The following SOX13 variants were observed in gnomAD, a reference collection of about 807,000 sequenced individuals.
The protein encoded by SOX13 is transcription factor SOX-13.
SOX13 carries 28 observed loss-of-function variants against 71.8 expected under a neutral mutation model. That is an observed-to-expected ratio of 0.39 (90% CI 0.29 to 0.53). SOX13 has a LOEUF of 0.53. Ranked by LOEUF, SOX13 falls within the 20% of genes least tolerant of loss-of-function variation. The pLI is 0.70. For synonymous variants in SOX13, 309 were observed against 317.8 expected (o/e 0.97, Z 0.29); for missense variants, 627 against 810.3 (o/e 0.77, Z 2.75).
intron 1 of SOX13, among the ~76,000 whole-genome samples, chr1:204,090,411 T>C (rs977690542): frequency 1.2e-3 from 171 of 138,784 alleles, no homozygotes; most frequent in African/African-American, 3.0e-3. Context: ...TCTTCTTCTT[T>C]TTTTTTTTTT....
At chr1:204,117,018 A>G in intron 5 of SOX13, 104 bp from the exon 6 acceptor site, 4 of 1,173,830 alleles carry the variant, frequency 3.4e-6, no homozygotes, top group Non-Finnish European at 5.0e-6. Flanking sequence ...ACCCCACTCC[A>G]TGGCTTGCCC....
rs1656856709 is a variant in SOX13 at position 204,123,586 on chromosome 1, C to T, written c.1232-75C>T. The stretch of plus-strand genomic sequence containing the variant: ...TGCCTCCTGCTGGTCAAGTAGGGGA[C>T]GTCTCTCTGCTGGCCCTGGGGCACT... On this transcript the variant is annotated intron_variant, in intron 11 of 13. Transcript: ENST00000367204. This position sits in a 1 kb window ranked among gnomAD's most constrained non-coding sequence, Gnocchi z 5.0. 12 of 1,502,740 alleles carry T rather than the reference C, an allele frequency of 8.0e-6. No individual in the cohort carries two copies. The East Asian group carries it at 9.6e-5, about 12-fold the overall frequency. 93.1% of individuals were successfully genotyped at this position (1,502,740 alleles called of 1,614,324 possible). A position where few individuals can be genotyped will look rare whatever the true frequency, so the allele number is the denominator to read the frequency against.
chr1:204,075,572 G>A (rs946617923), intron 1 of SOX13, among the ~76,000 whole-genome samples: 1 of 152,178 alleles, frequency 6.6e-6, no homozygotes, highest in African/African-American at 2.4e-5. Context: ...ATCGTTTGGG[G>A]GATACTGGTT....
chr1:204,124,890 C>A, intron 13 of SOX13, 33 bp downstream of exon 13: 1 of 1,476,202 alleles, frequency 6.8e-7, no homozygotes, highest in Non-Finnish European at 9.3e-7. Context: ...AGCCAGGAGA[C>A]TGTGTGTACA....
intron 1 of SOX13, among the ~76,000 whole-genome samples, chr1:204,097,535 T>A (rs960179978): frequency 1.3e-5 from 2 of 151,630 alleles, no homozygotes; most frequent in Non-Finnish European, 2.9e-5. Context: ...CTACTAAAAA[T>A]ACAAAATTAG....
intron 1 of SOX13, among the ~76,000 whole-genome samples, chr1:204,088,157 G>A (rs1656062530): frequency 6.6e-6 from 1 of 152,154 alleles, no homozygotes; most frequent in Admixed American, 6.5e-5. Context: ...TGCTTGTAGG[G>A]CCCTCATTTA....
At chr1:204,096,755 GC>G (rs1656260626) in intron 1 of SOX13, among the ~76,000 whole-genome samples, 1 of 152,026 alleles carries the variant, frequency 6.6e-6, no homozygotes, top group Non-Finnish European at 1.5e-5. Context: ...TTTCCATGTT[GC>G]CCAGGCTTCT....
rs143887678 is a variant in SOX13 at position 204,082,080 on chromosome 1, G to T, written c.-2+8369G>T. Among the ~76,000 whole-genome samples the T allele has an allele frequency of 7.2e-5, 11 of 151,778 alleles. No homozygotes were observed. The East Asian group carries it at 9.7e-4, about 13-fold the overall frequency. ...TCTTGGCTGGTGGTGGGGTGTGTGTGGGGGGGAGGGAAGCTGAGTGTGATG... is the reference window on the plus strand; with the variant it reads ...TCTTGGCTGGTGGTGGGGTGTGTGTTGGGGGGAGGGAAGCTGAGTGTGATG... On this transcript the variant is annotated intron_variant, in intron 1 of 13. Coordinates refer to ENST00000367204, the MANE Select transcript of SOX13 (RefSeq NM_005686.3).
chr1:204,112,975 G>A lies in SOX13; in HGVS notation c.60G>A (p.Val20=). ...QLALDGVGTM[V]NCTIKSEEKK... is the part of the protein sequence containing the mutation. Reference sequence around the variant, plus strand: ...CCCTGGATGGCGTTGGCACCATGGTGAACTGCACCATCAAGTCAGAGGAGA... The same window carrying A: ...CCCTGGATGGCGTTGGCACCATGGTAAACTGCACCATCAAGTCAGAGGAGA... Residue 20 remains valine, a synonymous_variant, in exon 2 of 14, where the codon GTG becomes GTA. Transcript: ENST00000367204. 6.2e-7 allele frequency: 1 copy of A among 1,613,706 alleles called. No homozygotes were observed. Among genetic ancestry groups the A allele is most frequent in the South Asian group, 1.1e-5 (1 of 91,068 alleles).
At chr1:204,104,277 T>C (rs969316502) in intron 1 of SOX13, among the ~76,000 whole-genome samples, 21 of 152,280 alleles carry the variant, frequency 1.4e-4, no homozygotes, top group South Asian at 1.0e-3. Flanking sequence ...TGAGCTGGGC[T>C]AGACCAGACC....
chr1:204,074,616 C>T (rs923696525), intron 1 of SOX13, among the ~76,000 whole-genome samples: 7 of 152,222 alleles, frequency 4.6e-5, no homozygotes, highest in Non-Finnish European at 2.9e-5. Flanking sequence ...CTCAGCTGCC[C>T]GCATGGGTCT....
chr1:204,112,795 C>A (rs1656612329), intron 1 of SOX13, 120 bp from the exon 2 acceptor site: 6 of 694,310 alleles, frequency 8.6e-6, no homozygotes, highest in South Asian at 2.0e-5. Context: ...TGAGTGTGCC[C>A]ATGTGACAGG....
chr1:204,078,441 G>C (rs1256434723), intron 1 of SOX13, among the ~76,000 whole-genome samples: 1 of 152,262 alleles, frequency 6.6e-6, no homozygotes, highest in African/African-American at 2.4e-5. Flanking sequence ...GCCACATTCA[G>C]GGGTGAAGCT....
intron 4 of SOX13, 66 bp downstream of exon 4, chr1:204,114,671 C>A: frequency 8.0e-7 from 1 of 1,253,198 alleles, no homozygotes; most frequent in Non-Finnish European, 1.2e-6. Context: ...TCTGGCCACG[C>A]AGCCTGGCTC....
At chr1:204,091,766 T>C (rs1478516316) in intron 1 of SOX13, among the ~76,000 whole-genome samples, 1 of 151,942 alleles carries the variant, frequency 6.6e-6, no homozygotes. Context: ...GTTTGTGTTT[T>C]AGATGGGGGT....
rs746738508 is a variant in SOX13 at position 204,124,847 on chromosome 1, T to A, written c.1582T>A (p.Tyr528Asn). ...RTRRQDARQS[Y>N]VIPPQAGQVQ... ...CCGGCGTCAGGATGCCCGCCAGAGC[T>A]ACGTGATCCCGTGAGCAGGCCCCCC... Residue 528 changes from tyrosine (Y) to asparagine (N), a missense_variant, in exon 13 of 14, where the codon TAC becomes AAC. By Grantham distance (143) the Tyr-to-Asn change is moderately radical. Coordinates refer to ENST00000367204, the MANE Select transcript of SOX13 (RefSeq NM_005686.3). 4.5e-6 allele frequency: 7 copies of A among 1,569,052 alleles called. No individual in the cohort carries two copies. The highest frequency in any genetic ancestry group is 6.0e-6 in the Non-Finnish European group (7 of 1,157,624).
intron 1 of SOX13, chr1:204,074,147 AC>A (rs1241390178): frequency 6.6e-6 from 1 of 152,056 alleles, no homozygotes; most frequent in Non-Finnish European, 1.5e-5. Context: ...AGCCGAAGCG[AC>A]CTGCGCGCGT....
At chr1:204,105,413 C>CTCTTTTTTTTTT (rs149562684) in intron 1 of SOX13, among the ~76,000 whole-genome samples, 4 of 137,962 alleles carry the variant, frequency 2.9e-5, no homozygotes, top group South Asian at 4.4e-4. Flanking sequence ...TGTATAATCT[C>CTCTTTTTTTTTT]TTTTTTTTTT....
intron 1 of SOX13, among the ~76,000 whole-genome samples, chr1:204,079,962 C>T (rs1418201216): frequency 6.6e-6 from 1 of 152,162 alleles, no homozygotes; most frequent in African/African-American, 2.4e-5. Context: ...TCTCAGAGTC[C>T]TGGGTGTGCA....
Sources: allele counts gnomAD v4.1 joint callset (sites outside exome capture counted in the v4.1 genomes callset), GRCh38; gene constraint gnomAD v4.1.1; non-coding constraint Gnocchi (gnomAD v3.1); transcripts MANE v1.5; gene names NCBI Gene and HGNC (gene_info 2026-07-23, HGNC 2026-07-21).